The following PRKG2 variants were observed in gnomAD, a reference collection of about 807,000 sequenced individuals.
PRKG2 encodes the protein protein kinase cGMP-dependent 2.
In PRKG2, 33 loss-of-function variants were observed where a neutral mutation model predicts 97.2. The observed-to-expected ratio is 0.34, with a 90% CI of 0.26 to 0.45. The LOEUF (loss-of-function observed/expected upper bound fraction) is 0.45. Ranked by LOEUF, PRKG2 falls within the 20% of genes least tolerant of loss-of-function variation. The pLI, the probability that PRKG2 is intolerant of heterozygous loss-of-function variation, is 1.00. For synonymous variants in PRKG2, 330 were observed against 321.8 expected (o/e 1.03, Z -0.27); for missense variants, 638 against 900.0 (o/e 0.71, Z 3.73).
rs139262202 is a variant in PRKG2, at chr4:81,137,240, G to T, written c.1634+153C>A. Among the ~76,000 whole-genome samples, 1,503 of 152,256 alleles carry T rather than the reference G, an allele frequency of 9.9e-3. 25 individuals carry two copies. Among genetic ancestry groups the T allele is most frequent in the African/African-American group, 0.034 (1,413 of 41,542 alleles). ...CCTTACGTGGTGTTACGGCACTATTGTAGCATTAGCCAAGACAATATCACT... is the reference window on the plus strand; with the variant it reads ...CCTTACGTGGTGTTACGGCACTATTTTAGCATTAGCCAAGACAATATCACT... On this transcript the variant is annotated intron_variant, in intron 13 of 18. Coordinates refer to ENST00000264399, the MANE Select transcript of PRKG2 (RefSeq NM_006259.3).
intron 2 of PRKG2, among the ~76,000 whole-genome samples, chr4:81,203,122 A>C (rs1753421293): frequency 6.6e-6 from 1 of 151,910 alleles, no homozygotes; most frequent in East Asian, 1.9e-4. Flanking sequence ...TATCTCTAAC[A>C]GAAGAGAACA....
chr4:81,094,765 G>A (rs1297574114), intron 17 of PRKG2, among the ~76,000 whole-genome samples: 3 of 151,952 alleles, frequency 2.0e-5, no homozygotes, highest in Non-Finnish European at 4.4e-5. Context: ...ATGAGCTGAA[G>A]TGTAGTGAAT....
At chr4:81,128,488 A>G (rs1745830325) in intron 14 of PRKG2, among the ~76,000 whole-genome samples, 1 of 152,056 alleles carries the variant, frequency 6.6e-6, no homozygotes, top group Non-Finnish European at 1.5e-5. Context: ...GTAGGCTATT[A>G]ATTACTGCCT....
chr4:81,148,189 C>T (rs79879846), intron 9 of PRKG2, among the ~76,000 whole-genome samples: 12,823 of 151,938 alleles, frequency 0.084, 1,844 homozygotes, highest in African/African-American at 0.29. Context: ...ATTTCATATG[C>T]GTATGCTCTA....
At chr4:81,154,522 A>ACGG in intron 6 of PRKG2, among the ~76,000 whole-genome samples, 1 of 136,162 alleles carries the variant, frequency 7.3e-6, no homozygotes, top group African/African-American at 3.4e-5. Context: ...GACACCTCAC[A>ACGG]CGGCAGGGTA....
chr4:81,106,719 C>T (rs1333899187), intron 15 of PRKG2, among the ~76,000 whole-genome samples: 1 of 152,110 alleles, frequency 6.6e-6, no homozygotes, highest in Non-Finnish European at 1.5e-5. Context: ...TTGTTGAAAC[C>T]CTAATCCCAG....
intron 9 of PRKG2, among the ~76,000 whole-genome samples, chr4:81,146,442 T>C (rs998885207): frequency 1.3e-5 from 2 of 152,172 alleles, no homozygotes; most frequent in African/African-American, 4.8e-5. Context: ...CCCATTTGTT[T>C]AGAGCTCTTG....
intron 18 of PRKG2, 70 bp from the exon 19 acceptor site, chr4:81,089,873 GT>G (rs2109933952): frequency 7.9e-7 from 1 of 1,264,928 alleles, no homozygotes; most frequent in Non-Finnish European, 1.1e-6. Context: ...TATGGGTAAT[GT>G]TTTTTATTTC....
chr4:81,192,112 A>G (rs1224865308), intron 2 of PRKG2: 1 of 152,242 alleles, frequency 6.6e-6, no homozygotes, highest in Non-Finnish European at 1.5e-5. Flanking sequence ...CATACAGGAA[A>G]TACTATATAG....
At chr4:81,181,393 A>G (rs1336270354) in intron 2 of PRKG2, among the ~76,000 whole-genome samples, 1 of 151,862 alleles carries the variant, frequency 6.6e-6, no homozygotes, top group Non-Finnish European at 1.5e-5. Context: ...AATGATGCAT[A>G]GAAGAAAATT....
At chr4:81,200,915 T>C (rs1001842316) in intron 2 of PRKG2, among the ~76,000 whole-genome samples, 1 of 152,178 alleles carries the variant, frequency 6.6e-6, no homozygotes, top group Non-Finnish European at 1.5e-5. Flanking sequence ...TGATCTAAAA[T>C]GGTCAGTAGG....
rs189556548 is a variant in PRKG2, at chr4:81,177,992, C to T, written c.462-3033G>A. On this transcript the variant is annotated intron_variant, in intron 2 of 18. Coordinates refer to ENST00000264399, the MANE Select transcript of PRKG2 (RefSeq NM_006259.3). The stretch of plus-strand genomic sequence containing the variant: ...AAGACAAAAGTTCAGGTTTAAAGCA[C>T]ACCATGAAGTGGGATGATAGGATGC... 1.1e-4 allele frequency among the ~76,000 whole-genome samples: 17 copies of T among 150,806 alleles called. No homozygotes were observed. The East Asian group carries it at 3.2e-3, about 29-fold the overall frequency.
intron 17 of PRKG2, among the ~76,000 whole-genome samples, chr4:81,098,662 G>C (rs912172569): frequency 6.6e-6 from 1 of 152,120 alleles, no homozygotes; most frequent in Non-Finnish European, 1.5e-5. Flanking sequence ...TCTGAGTAGA[G>C]GGAGAGATGG....
At chr4:81,114,426 G>C (rs915306882) in intron 14 of PRKG2, among the ~76,000 whole-genome samples, 1 of 151,990 alleles carries the variant, frequency 6.6e-6, no homozygotes, top group East Asian at 1.9e-4. Flanking sequence ...AGTAAAATTT[G>C]AACCAGGTTC....
intron 14 of PRKG2, among the ~76,000 whole-genome samples, chr4:81,119,160 G>A (rs1744836749): frequency 1.3e-5 from 2 of 152,040 alleles, no homozygotes; most frequent in Non-Finnish European, 2.9e-5. Flanking sequence ...TCTTGCCTTT[G>A]GTGTTGTATC....
intron 6 of PRKG2, among the ~76,000 whole-genome samples, chr4:81,160,104 TATA>T (rs1441005370): frequency 2.6e-5 from 4 of 151,780 alleles, no homozygotes; most frequent in African/African-American, 7.3e-5. Flanking sequence ...AAACTTAAAG[TATA>T]ATAATAATAA....
chr4:81,209,532 C>A (rs1753860392), intron 1 of PRKG2, among the ~76,000 whole-genome samples: 1 of 151,722 alleles, frequency 6.6e-6, no homozygotes, highest in Non-Finnish European at 1.5e-5. Context: ...ACTTGAGTGT[C>A]AATAATGGAA....
At chr4:81,104,120 A>G (rs1238913012) in intron 17 of PRKG2, among the ~76,000 whole-genome samples, 1 of 152,190 alleles carries the variant, frequency 6.6e-6, no homozygotes, top group Non-Finnish European at 1.5e-5. Context: ...CTATGACTTG[A>G]AGATGTGATT....
chr4:81,112,379 G>A (rs1282673184), intron 14 of PRKG2, among the ~76,000 whole-genome samples: 7 of 152,136 alleles, frequency 4.6e-5, no homozygotes, highest in Admixed American at 4.6e-4. Context: ...TATAAAGACT[G>A]AAATTTAAAA....
Sources: allele counts gnomAD v4.1 joint callset (sites outside exome capture counted in the v4.1 genomes callset), GRCh38; gene constraint gnomAD v4.1.1; transcripts MANE v1.5; gene names NCBI Gene and HGNC (gene_info 2026-07-23, HGNC 2026-07-21).